Variants in CCDC171 observed in about 807,000 individuals in gnomAD.
CCDC171 encodes coiled-coil domain-containing protein 171.
In CCDC171, 177 loss-of-function variants were observed where a neutral mutation model predicts 168.2. That is an observed-to-expected ratio of 1.05 (90% confidence interval 0.93 to 1.19). The LOEUF is 1.19. Among genes scored for constraint, CCDC171 ranks in the 50% most tolerant of loss-of-function variants. The probability of loss-of-function intolerance (pLI) is 0.00; values close to 1 mark genes in which losing one functional copy is unlikely to be tolerated. For synonymous variants in CCDC171, 687 were observed against 540.8 expected (o/e 1.27, Z -3.75); for missense variants, 1,991 against 1,539.0 (o/e 1.29, Z -4.91).
Position 15,949,397 on chromosome 9 carries a change from C to A in CCDC171, c.3754-22212C>A, listed in dbSNP as rs149683099. 1.7e-3 allele frequency among the ~76,000 whole-genome samples: 260 copies of A among 152,184 alleles called. 2 individuals carry two copies. Among genetic ancestry groups the A allele is most frequent in the African/African-American group, 5.8e-3 (240 of 41,538 alleles). ...GCTTGATGGGTATGGCATTGAATCT[C>A]TAAATTACCTTGGGCAGTATGGCCA... On this transcript the variant is annotated intron_variant, in intron 25 of 25. Coordinates refer to ENST00000380701, the MANE Select transcript of CCDC171 (RefSeq NM_173550.4).
At chr9:15,688,118 C>CA (rs33945014) in intron 10 of CCDC171, among the ~76,000 whole-genome samples, 183 of 94,898 alleles carry the variant, frequency 1.9e-3, no homozygotes, top group Non-Finnish European at 3.0e-3. Flanking sequence ...GACTCCATCT[C>CA]AAAAAAAAAA....
chr9:15,707,151 T>G (rs1042647999), intron 11 of CCDC171, among the ~76,000 whole-genome samples: 9 of 152,182 alleles, frequency 5.9e-5, no homozygotes, highest in Non-Finnish European at 1.2e-4. Context: ...ATTTGCAGAT[T>G]TTTTCTCTCT....
the CCDC171 span, among the ~76,000 whole-genome samples, chr9:16,083,528 A>G: frequency 3.9e-5 from 6 of 152,150 alleles, no homozygotes; most frequent in African/African-American, 1.4e-4. Flanking sequence ...AATAACTACC[A>G]TTGTTGGAAA....
intron 24 of CCDC171, among the ~76,000 whole-genome samples, chr9:15,900,079 T>G (rs1023604902): frequency 2.6e-5 from 4 of 152,204 alleles, no homozygotes; most frequent in Non-Finnish European, 5.9e-5. Context: ...GATGACCCCT[T>G]TGTCCTTTCC....
Position 15,971,750 on chromosome 9 carries a change from A to C in CCDC171, c.3895A>C (p.Thr1299Pro). The C allele has an allele frequency of 6.2e-7, 1 of 1,614,018 alleles. No homozygotes were observed. The highest frequency in any genetic ancestry group is 1.1e-5 in the South Asian group (1 of 91,084). ...YTFLKETFIN[T>P]VPHALTSSHS... ...TTTCTTAAAGGAGACATTTATAAAT[A>C]CTGTGCCCCATGCTCTGACATCATC... The change falls in exon 26 of 26, where the codon ACT becomes CCT. Residue 1299 changes from threonine (T) to proline (P), a missense_variant. Thr to Pro is a conservative substitution (Grantham distance 38). Coordinates refer to ENST00000380701, the MANE Select transcript of CCDC171 (RefSeq NM_173550.4).
At chr9:15,950,612 T>C (rs1349177467) in intron 25 of CCDC171, among the ~76,000 whole-genome samples, 6 of 150,230 alleles carry the variant, frequency 4.0e-5, no homozygotes, top group Non-Finnish European at 8.9e-5. Flanking sequence ...CTAAAAGAGC[T>C]CCTGAAGGAA....
intron 6 of CCDC171, among the ~76,000 whole-genome samples, chr9:15,603,253 G>C (rs939613061): frequency 3.3e-5 from 5 of 152,114 alleles, no homozygotes; most frequent in African/African-American, 1.2e-4. Context: ...CAGAGTGCTG[G>C]GATTTATTTT....
chr9:15,982,899 C>T (rs1041062890), intron 3 of CCDC171, among the ~76,000 whole-genome samples: 5 of 152,146 alleles, frequency 3.3e-5, no homozygotes, highest in Non-Finnish European at 5.9e-5. Context: ...TGGGTAGATT[C>T]TGCAAGAAGG....
At chr9:15,779,409 G>A (rs1337481947) in intron 20 of CCDC171, among the ~76,000 whole-genome samples, 9 of 152,012 alleles carry the variant, frequency 5.9e-5, no homozygotes, top group Admixed American at 5.9e-4. Flanking sequence ...GCCCAGGCTG[G>A]AGTGCAGTGG....
chr9:16,097,679 A>G, the CCDC171 span, among the ~76,000 whole-genome samples: 35 of 152,288 alleles, frequency 2.3e-4, no homozygotes, highest in South Asian at 1.0e-3. Context: ...ATATACTTCT[A>G]TGTTCTGCTA....
At chr9:15,856,140 A>C (rs2061340904) in intron 23 of CCDC171, among the ~76,000 whole-genome samples, 1 of 151,896 alleles carries the variant, frequency 6.6e-6, no homozygotes, top group Non-Finnish European at 1.5e-5. Context: ...GGAATGTCTT[A>C]ATTTCTCCTT....
chr9:15,907,126 T>C (rs1485454395), intron 24 of CCDC171, among the ~76,000 whole-genome samples: 1 of 152,184 alleles, frequency 6.6e-6, no homozygotes, highest in Non-Finnish European at 1.5e-5. Context: ...AAGCTACCAA[T>C]GACTTTCTTC....
intron 3 of CCDC171, among the ~76,000 whole-genome samples, chr9:15,575,316 C>T (rs540216137): frequency 4.6e-5 from 7 of 151,870 alleles, no homozygotes; most frequent in South Asian, 2.1e-4. Context: ...ACTACAGGCA[C>T]GCACGTGCCA....
intron 7 of CCDC171, among the ~76,000 whole-genome samples, chr9:15,633,284 G>A (rs1421780327): frequency 1.3e-5 from 2 of 152,044 alleles, no homozygotes; most frequent in African/African-American, 4.8e-5. Flanking sequence ...CTGACAAAGG[G>A]CTAATATCCA....
intron 10 of CCDC171, among the ~76,000 whole-genome samples, chr9:15,681,013 A>G (rs2050006038): frequency 6.6e-6 from 1 of 152,170 alleles, no homozygotes; most frequent in African/African-American, 2.4e-5. Flanking sequence ...GAGCATATTC[A>G]TATTTAGTGA....
In CCDC171 at chr9:15,739,392, C is replaced by T. The variant is rs549588240; in HGVS notation, c.2050-4881C>T. On this transcript the variant is annotated intron_variant, in intron 16 of 25. Coordinates refer to ENST00000380701, the MANE Select transcript of CCDC171 (RefSeq NM_173550.4). ...AAGGTGAATTCTTTACTGGGGAAGA[C>T]GTGGGGATGTTGGTACCTGAGGGGA... Among the ~76,000 whole-genome samples, 62 of 152,120 alleles carry T rather than the reference C, an allele frequency of 4.1e-4. 1 individual carries two copies. The South Asian group carries it at 9.3e-3, about 23-fold the overall frequency.
intron 24 of CCDC171, among the ~76,000 whole-genome samples, chr9:15,880,740 T>C (rs898894418): frequency 1.3e-5 from 2 of 151,598 alleles, no homozygotes; most frequent in African/African-American, 4.9e-5. Flanking sequence ...CCTCCCAAAG[T>C]GCTGGGATTA....
intron 21 of CCDC171, among the ~76,000 whole-genome samples, chr9:15,799,952 T>G (rs894695514): frequency 6.6e-6 from 1 of 152,166 alleles, no homozygotes; most frequent in Non-Finnish European, 1.5e-5. Flanking sequence ...AATGACAAGA[T>G]CTCATTCTCT....
At chr9:15,919,776 A>G (rs944032412) in intron 24 of CCDC171, among the ~76,000 whole-genome samples, 1 of 151,652 alleles carries the variant, frequency 6.6e-6, no homozygotes, top group African/African-American at 2.4e-5. Context: ...CTTTTCTTAC[A>G]AAATAAGAAT....
Sources: gnomAD v4.1 joint callset for allele counts (sites outside exome capture counted in the v4.1 genomes callset) on GRCh38, gnomAD v4.1.1 for gene constraint, MANE v1.5 for transcripts, NCBI Gene and HGNC (gene_info 2026-07-23, HGNC 2026-07-21) for gene names.